PHYHIP: variants seen among roughly 807,000 people sequenced by gnomAD.
PHYHIP encodes phytanoyl-CoA hydroxylase-interacting protein.
Under a neutral mutation model 26.1 loss-of-function variants are expected in PHYHIP, and 7 were observed. That is an observed-to-expected ratio of 0.27 (90% CI 0.15 to 0.50). PHYHIP has a LOEUF of 0.50. PHYHIP is among the 20% of genes least tolerant of loss of function. PHYHIP has a pLI of 0.98. For missense variants in PHYHIP, 232 were observed against 454.7 expected, an observed-to-expected ratio of 0.51 and a Z score of 4.45; for synonymous variants, 206 against 183.4, an observed-to-expected ratio of 1.12 and a Z score of -1.00.
At position 22,226,396 on chromosome 8, in the gene PHYHIP, G is replaced by A. The variant is rs115016929; in HGVS notation, c.340+455C>T. 6.8e-3 allele frequency among the ~76,000 whole-genome samples: 1,035 copies of A among 152,240 alleles called. 19 individuals are homozygous for A. Among genetic ancestry groups the A allele is most frequent in the African/African-American group, 0.024 (999 of 41,518 alleles). On this transcript the variant is annotated intron_variant, in intron 3 of 4. Coordinates refer to ENST00000454243, the MANE Select transcript of PHYHIP (RefSeq NM_014759.5). Reference sequence around the variant, plus strand: ...TAGCTAGCAGAGGGAAATGGGGGGCGGTTATTTAATGGGTATAGAGTTTTG... The same window carrying A: ...TAGCTAGCAGAGGGAAATGGGGGGCAGTTATTTAATGGGTATAGAGTTTTG...
Position 22,221,771 on chromosome 8 carries a change from G to A in PHYHIP, c.575C>T (p.Thr192Met). 1.2e-6 allele frequency: 2 copies of A among 1,612,496 alleles called. No individual in the cohort carries two copies. The highest frequency in any genetic ancestry group is 1.7e-6 in the Non-Finnish European group (2 of 1,179,486). ...VFFSCNTEFN[T>M]GQPPQDSPYG... ...GGGGGAGTCCTGCGGGGGCTGGCCCGTGTTGAACTCCGTGTTGCAGCTGAA... is the reference window on the plus strand; with the variant it reads ...GGGGGAGTCCTGCGGGGGCTGGCCCATGTTGAACTCCGTGTTGCAGCTGAA... Residue 192 changes from threonine (T) to methionine (M), a missense_variant, in exon 5 of 5, where the codon ACG becomes ATG. Thr to Met is a moderately conservative substitution (Grantham distance 81). Coordinates refer to ENST00000454243, the MANE Select transcript of PHYHIP (RefSeq NM_014759.5). This position sits in a 1 kb window ranked among gnomAD's most constrained non-coding sequence, Gnocchi z 7.9.
At chr8:22,226,258 A>C (rs78436016) in intron 3 of PHYHIP, among the ~76,000 whole-genome samples, 1,632 of 152,324 alleles carry the variant, frequency 0.011, 33 homozygotes, top group African/African-American at 0.037. Context: ...ATCCAGTTTC[A>C]AAAAGGAAGG....
Position 22,231,990 on chromosome 8 carries a change from C to T in PHYHIP, c.-224G>A, listed in dbSNP as rs994476631. On this transcript the variant is annotated 5_prime_UTR_variant, in exon 1 of 5. Transcript: ENST00000454243. ...CCAGCTCCTGTCTGGCTGTGCAGCG[C>T]GTCGCTGCTGCCCCTGGTGAGACGA... 6.5e-6 allele frequency: 1 copy of T among 152,878 alleles called. No homozygotes were observed. The highest frequency in any genetic ancestry group is 2.1e-4 in the South Asian group (1 of 4,836). The allele number at this position is 152,878 out of a possible 1,614,324, so 9.5% of individuals were successfully genotyped here.
intron 1 of PHYHIP, 132 bp downstream of exon 1, chr8:22,231,664 G>C (rs748580701): frequency 3.3e-5 from 5 of 152,454 alleles, no homozygotes; most frequent in Non-Finnish European, 7.3e-5. Context: ...GGCCGGGGGG[G>C]GGGAGAGGGG....
Position 22,220,477 on chromosome 8 carries a change from C to T in PHYHIP, c.*876G>A, listed in dbSNP as rs1829594693. The T allele has an allele frequency of 6.6e-6, 1 of 152,528 alleles. No individual in the cohort carries two copies. The highest frequency in any genetic ancestry group is 1.5e-5 in the Non-Finnish European group (1 of 68,358). 9.4% of individuals were successfully genotyped at this position (152,528 alleles called of 1,614,324 possible). On this transcript the variant is annotated 3_prime_UTR_variant, in exon 5 of 5. Transcript: ENST00000454243. ...GGGGCCCGCGGGACAGCTTACAGGT[C>T]TCACGTTCCATGCCAGGCCCCAGCA...
At chr8:22,228,454 A>T in intron 1 of PHYHIP, 68 bp from the exon 2 acceptor site, 1 of 876,876 alleles carries the variant, frequency 1.1e-6, no homozygotes, top group Non-Finnish European at 1.8e-6. Flanking sequence ...TCCTCCTCCC[A>T]ATATCCCTTT....
intron 2 of PHYHIP, chr8:22,227,526 G>GGTGCC: frequency 2.3e-6 from 1 of 443,500 alleles, no homozygotes; most frequent in East Asian, 7.0e-5. Context: ...AACCCACGCC[G>GGTGCC]GTGCCGTCGG....
intron 3 of PHYHIP, 108 bp from the exon 4 acceptor site, chr8:22,224,451 C>A: frequency 1.4e-6 from 1 of 699,872 alleles, no homozygotes. Flanking sequence ...CCTCTGTCCG[C>A]CAGAGCAGCA....
At position 22,221,979 on chromosome 8, in the gene PHYHIP, A is replaced by C; in HGVS notation, c.459-92T>G. ...GGCTGCTGCGTGTGGTCGAGGAGGG[A>C]GGAAGCCAGCCCAGCTCCCAGCCCT... On this transcript the variant is annotated intron_variant, in intron 4 of 4. Coordinates refer to ENST00000454243, the MANE Select transcript of PHYHIP (RefSeq NM_014759.5). This position sits in a 1 kb window ranked among gnomAD's most constrained non-coding sequence, Gnocchi z 7.9. 8.7e-7 allele frequency: 1 copy of C among 1,150,698 alleles called. No homozygotes were observed. Among genetic ancestry groups the C allele is most frequent in the Non-Finnish European group, 1.2e-6 (1 of 838,444 alleles). The allele number at this position is 1,150,698 out of a possible 1,614,324, so 71.3% of individuals were successfully genotyped here.
rs762642875 is a variant in PHYHIP, at chr8:22,221,832, C to T, written c.514G>A (p.Gly172Ser). ...TGGAGCATACCGCTGGTGGGGGAGC[C>T]GTGGCTGCCACTGTTGTCCTTCAGG... ...PYLKDNSGSH[G>S]SPTSGMLHGV... The change falls in exon 5 of 5, where the codon GGC becomes AGC. Residue 172 changes from glycine to serine, a missense_variant. Transcript: ENST00000454243. The surrounding 1 kb of genome is among the most constrained non-coding windows in gnomAD (Gnocchi z 7.9). 4 of 1,585,194 alleles carry T rather than the reference C, an allele frequency of 2.5e-6. No homozygotes were observed. The highest frequency in any genetic ancestry group is 2.3e-5 in the East Asian group (1 of 43,644).
At chr8:22,224,652 T>C (rs1451527429) in intron 3 of PHYHIP, among the ~76,000 whole-genome samples, 1 of 152,146 alleles carries the variant, frequency 6.6e-6, no homozygotes, top group Non-Finnish European at 1.5e-5. Flanking sequence ...CCTCAGGGGC[T>C]GTGATCCCAG....
At chr8:22,231,459 GCGCGCACACACACACGC>G (rs961378592) in intron 1 of PHYHIP, among the ~76,000 whole-genome samples, 6 of 152,186 alleles carry the variant, frequency 3.9e-5, no homozygotes, top group Admixed American at 2.0e-4. Flanking sequence ...CAACTCGCGA[GCGCGCACACACACACGC>G]CGCGCACACC....
rs999427769 is a variant in PHYHIP, at chr8:22,228,084, G to T, written c.165+109C>A. 8 of 883,170 alleles carry T rather than the reference G, an allele frequency of 9.1e-6. No individual in the cohort carries two copies. The African/African-American group carries it at 1.3e-4, about 15-fold the overall frequency. 54.7% of individuals were successfully genotyped at this position (883,170 alleles called of 1,614,324 possible). ...CAAAATGACACAGGAAGAAGAGTGT[G>T]GATTTTAACCAGCCTCTGACTCCAA... On this transcript the variant is annotated intron_variant, in intron 2 of 4. Coordinates refer to ENST00000454243, the MANE Select transcript of PHYHIP (RefSeq NM_014759.5).
rs185763366 is a variant in PHYHIP at position 22,226,686 on chromosome 8, A to G, written c.340+165T>C. 8.4e-3 allele frequency among the ~76,000 whole-genome samples: 1,280 copies of G among 152,334 alleles called. 10 individuals are homozygous for G. The highest frequency in any genetic ancestry group is 0.014 in the Middle Eastern group (4 of 294). ...AGAGAAAGGTTGGGCTCCTGGAGGC[A>G]GGGAGGGTGTCATGCCCGTGCATCT... On this transcript the variant is annotated intron_variant, in intron 3 of 4. Coordinates refer to ENST00000454243, the MANE Select transcript of PHYHIP (RefSeq NM_014759.5).
At chr8:22,230,228 C>T (rs1045556161) in intron 1 of PHYHIP, among the ~76,000 whole-genome samples, 7 of 151,996 alleles carry the variant, frequency 4.6e-5, no homozygotes, top group African/African-American at 1.2e-4. Context: ...CACACACACA[C>T]GAACACAGAC....
At chr8:22,227,051 G>A (rs1422054769) in intron 2 of PHYHIP, 26 bp from the exon 3 acceptor site, 14 of 1,587,594 alleles carry the variant, frequency 8.8e-6, no homozygotes, top group Non-Finnish European at 1.2e-5. Flanking sequence ...CAAACAGAGA[G>A]CCAGGCGTCA....
intron 4 of PHYHIP, 188 bp downstream of exon 4, chr8:22,224,038 T>G: frequency 1.7e-6 from 1 of 583,996 alleles, no homozygotes; most frequent in Non-Finnish European, 3.1e-6. Context: ...CCCTTGATCT[T>G]CCCTGAGCCC....
At chr8:22,227,622 G>C (rs530806139) in intron 2 of PHYHIP, 5 of 456,314 alleles carry the variant, frequency 1.1e-5, no homozygotes, top group Non-Finnish European at 2.2e-5. Flanking sequence ...CCCCACACTG[G>C]CTTTTAACCC....
chr8:22,227,140 C>T (rs4871975), intron 2 of PHYHIP, 115 bp from the exon 3 acceptor site: 327,213 of 894,876 alleles, frequency 0.37, 66,119 homozygotes, highest in East Asian at 0.62. Context: ...TGAGCAGGAC[C>T]AATCTTGAGG....
Sources: allele counts gnomAD v4.1 joint callset (sites outside exome capture counted in the v4.1 genomes callset), GRCh38; gene constraint gnomAD v4.1.1; non-coding constraint Gnocchi (gnomAD v3.1); transcripts MANE v1.5; gene names NCBI Gene and HGNC (gene_info 2026-07-23, HGNC 2026-07-21).